The following GSG1L variants were observed in gnomAD, a reference collection of about 807,000 sequenced individuals.
GSG1L encodes germ cell-specific gene 1-like protein.
A neutral mutation model predicts 42.1 loss-of-function variants in GSG1L; 24 were observed. That is an observed-to-expected ratio of 0.57 (90% confidence interval 0.41 to 0.80). GSG1L has a LOEUF of 0.80. GSG1L is among the 30% of genes least tolerant of loss of function. The pLI, the probability that GSG1L is intolerant of heterozygous loss-of-function variation, is 0.00. For missense variants in GSG1L, 445 were observed against 472.2 expected (o/e 0.94, Z 0.53); for synonymous variants, 215 against 203.5 (o/e 1.06, Z -0.48).
At position 28,040,899 on chromosome 16, in the gene GSG1L, C is replaced by T. The variant is rs996529601; in HGVS notation, c.349+22177G>A. 4.6e-5 allele frequency among the ~76,000 whole-genome samples: 7 copies of T among 152,354 alleles called. No homozygotes were observed. The highest frequency in any genetic ancestry group is 2.1e-4 in the South Asian group (1 of 4,830). On this transcript the variant is annotated intron_variant, in intron 1 of 6. Coordinates refer to ENST00000447459, the MANE Select transcript of GSG1L (RefSeq NM_001109763.2). The surrounding 1 kb of genome is among the most constrained non-coding windows in gnomAD (Gnocchi z 4.1). ...CTGCGTTCCGAGGGCCTTATTCAGACCCCACAGCAGCAAATGTGTGCTGTG... is the reference window on the plus strand; with the variant it reads ...CTGCGTTCCGAGGGCCTTATTCAGATCCCACAGCAGCAAATGTGTGCTGTG...
At chr16:27,841,559 C>T (rs1031856567) in intron 4 of GSG1L, among the ~76,000 whole-genome samples, 3 of 152,130 alleles carry the variant, frequency 2.0e-5, no homozygotes, top group Non-Finnish European at 2.9e-5. Context: ...GGGAGGCTCT[C>T]GGGCCAGGAT....
At chr16:27,916,103 C>T (rs1198557103) in intron 2 of GSG1L, among the ~76,000 whole-genome samples, 3 of 152,114 alleles carry the variant, frequency 2.0e-5, no homozygotes, top group East Asian at 3.9e-4. Flanking sequence ...TTCCCTCTAA[C>T]CCCTGAGACA....
At chr16:27,828,639 C>A in intron 5 of GSG1L, 150 bp downstream of exon 5, 1 of 698,238 alleles carries the variant, frequency 1.4e-6, no homozygotes. Flanking sequence ...ATAGTGGCGT[C>A]CAAACTCTGC....
intron 1 of GSG1L, among the ~76,000 whole-genome samples, chr16:28,003,606 C>T (rs2085604131): frequency 6.6e-6 from 1 of 152,222 alleles, no homozygotes; most frequent in African/African-American, 2.4e-5. Flanking sequence ...TGGTTGCCAG[C>T]ATGGCCGTGA....
At chr16:27,895,045 T>C (rs1474562897) in intron 2 of GSG1L, among the ~76,000 whole-genome samples, 1 of 152,152 alleles carries the variant, frequency 6.6e-6, no homozygotes. Flanking sequence ...GGAAGGTCCC[T>C]TTGCTGCTGT....
chr16:27,986,209 G>C (rs2085379793), intron 1 of GSG1L, among the ~76,000 whole-genome samples: 1 of 152,118 alleles, frequency 6.6e-6, no homozygotes, highest in African/African-American at 2.4e-5. Flanking sequence ...GATAAGAAAA[G>C]TGTGATCTGG....
chr16:28,051,046 C>T (rs2086217434), intron 1 of GSG1L, among the ~76,000 whole-genome samples: 1 of 152,174 alleles, frequency 6.6e-6, no homozygotes, highest in Admixed American at 6.5e-5. Context: ...CTGCTACAGT[C>T]CCCTGCACCT....
chr16:28,016,369 A>G (rs1440950193), intron 1 of GSG1L, among the ~76,000 whole-genome samples: 4 of 152,170 alleles, frequency 2.6e-5, no homozygotes, highest in African/African-American at 7.2e-5. Context: ...TCTGAGGAGG[A>G]AGCAGATGCT....
At chr16:27,939,274 ACCACAC>A (rs2084758372) in intron 2 of GSG1L, among the ~76,000 whole-genome samples, 1 of 152,092 alleles carries the variant, frequency 6.6e-6, no homozygotes, top group African/African-American at 2.4e-5. Context: ...GGCACGCACC[ACCACAC>A]CCAGCTTTTT....
intron 2 of GSG1L, among the ~76,000 whole-genome samples, chr16:27,889,280 G>T (rs571561655): frequency 4.7e-4 from 72 of 152,232 alleles, no homozygotes; most frequent in African/African-American, 1.7e-3. Flanking sequence ...GTGCCCAGCC[G>T]AGTTGTGCTT....
chr16:28,000,075 C>T (rs1489490874), intron 1 of GSG1L, among the ~76,000 whole-genome samples: 1 of 152,230 alleles, frequency 6.6e-6, no homozygotes, highest in East Asian at 1.9e-4. Context: ...GTCCTTTTAG[C>T]TACTGTGTGT....
intron 4 of GSG1L, among the ~76,000 whole-genome samples, chr16:27,832,313 G>C (rs1285003467): frequency 6.6e-6 from 1 of 152,172 alleles, no homozygotes; most frequent in Non-Finnish European, 1.5e-5. Flanking sequence ...GCAGGATATT[G>C]ACATTGATAC....
intron 1 of GSG1L, among the ~76,000 whole-genome samples, chr16:28,016,404 A>C (rs1034692628): frequency 5.9e-5 from 9 of 152,152 alleles, no homozygotes; most frequent in African/African-American, 2.2e-4. Flanking sequence ...GAAACGTTTG[A>C]TTGTGTGGCT....
At position 28,059,923 on chromosome 16, in the gene GSG1L, A is replaced by G. The variant is rs1043976143; in HGVS notation, c.349+3153T>C. Among the ~76,000 whole-genome samples the G allele has an allele frequency of 2.6e-5, 4 of 152,278 alleles. No homozygotes were observed. The highest frequency in any genetic ancestry group is 6.5e-5 in the Admixed American group (1 of 15,292). On this transcript the variant is annotated intron_variant, in intron 1 of 6. Transcript: ENST00000447459. The surrounding 1 kb of genome is among the most constrained non-coding windows in gnomAD (Gnocchi z 4.4). Reference sequence around the variant, plus strand: ...AACACTGTAGATTTTTAGTGTGGGAAAAAGGGCTTATTACATTTCCCTGTG... The same window carrying G: ...AACACTGTAGATTTTTAGTGTGGGAGAAAGGGCTTATTACATTTCCCTGTG...
intron 5 of GSG1L, among the ~76,000 whole-genome samples, chr16:27,813,679 GA>G (rs2083059534): frequency 1.3e-5 from 2 of 152,260 alleles, no homozygotes; most frequent in African/African-American, 4.8e-5. Context: ...GGGATCTGCA[GA>G]ATCTGCAGGG....
chr16:28,015,463 C>A (rs1415132029), intron 1 of GSG1L, among the ~76,000 whole-genome samples: 1 of 152,210 alleles, frequency 6.6e-6, no homozygotes, highest in Non-Finnish European at 1.5e-5. Flanking sequence ...AGAGATCACA[C>A]CACTGAACTC....
At chr16:27,908,177 T>A (rs2084341324) in intron 2 of GSG1L, among the ~76,000 whole-genome samples, 1 of 152,242 alleles carries the variant, frequency 6.6e-6, no homozygotes, top group African/African-American at 2.4e-5. Flanking sequence ...TCACCCAGGC[T>A]AGCCTGCTGG....
intron 2 of GSG1L, among the ~76,000 whole-genome samples, chr16:27,938,424 G>A (rs943334434): frequency 2.2e-4 from 33 of 150,764 alleles, no homozygotes; most frequent in African/African-American, 8.0e-4. Context: ...GAGAAAGACC[G>A]CTGGCTTCTC....
At chr16:27,949,652 G>A (rs2084929188) in intron 2 of GSG1L, among the ~76,000 whole-genome samples, 2 of 152,154 alleles carry the variant, frequency 1.3e-5, no homozygotes, top group East Asian at 1.9e-4. Context: ...ACAGGCCGGC[G>A]CAGTGGCTCA....
Sources: allele counts gnomAD v4.1 joint callset (sites outside exome capture counted in the v4.1 genomes callset), GRCh38; gene constraint gnomAD v4.1.1; non-coding constraint Gnocchi (gnomAD v3.1); transcripts MANE v1.5; gene names NCBI Gene and HGNC (gene_info 2026-07-23, HGNC 2026-07-21).